Variants in TOPAZ1 observed in about 807,000 individuals in gnomAD.
The protein encoded by TOPAZ1 is testis and ovary specific TOPAZ 1.
A neutral mutation model predicts 172.2 loss-of-function variants in TOPAZ1; 66 were observed. The observed-to-expected ratio is 0.38, with a 90% CI of 0.31 to 0.47. The LOEUF (loss-of-function observed/expected upper bound fraction) is 0.47. Ranked by LOEUF, TOPAZ1 falls within the 20% of genes least tolerant of loss-of-function variation. The pLI is 0.99. For missense variants in TOPAZ1, 1,822 were observed against 1,972.4 expected, an observed-to-expected ratio of 0.92 and a Z score of 1.44; for synonymous variants, 681 against 683.9, an observed-to-expected ratio of 1.00 and a Z score of 0.07.
intron 2 of TOPAZ1, among the ~76,000 whole-genome samples, chr3:44,247,186 TATA>T (rs1699576752): frequency 6.6e-6 from 1 of 152,190 alleles, no homozygotes. Context: ...TATAAGTGGA[TATA>T]ATATTAGAAA....
chr3:44,267,201 C>A (rs1213989612), intron 6 of TOPAZ1, 65 bp downstream of exon 6: 79 of 1,292,498 alleles, frequency 6.1e-5, no homozygotes, highest in Non-Finnish European at 7.5e-5. Flanking sequence ...GGAGATTTTT[C>A]TACCAAAAAC....
rs114868906 is a variant in TOPAZ1 at position 44,258,600 on chromosome 3, A to G, written c.2955+2322A>G. The stretch of plus-strand genomic sequence containing the variant: ...GGTTTCTTTTTTTTTTTCCACCTGG[A>G]TAATCCTGTGGATATTCAACCAAGT... On this transcript the variant is annotated intron_variant, in intron 4 of 19. Coordinates refer to ENST00000309765, the MANE Select transcript of TOPAZ1 (RefSeq NM_001145030.2). Among the ~76,000 whole-genome samples, 1,354 of 152,098 alleles carry G rather than the reference A, an allele frequency of 8.9e-3. 19 individuals carry two copies. Among genetic ancestry groups the G allele is most frequent in the African/African-American group, 0.031 (1,307 of 41,508 alleles).
chr3:44,257,352 GGTGTGTGTGTGTGTGTGTGTGTGTGT>G lies in TOPAZ1; in HGVS notation c.2955+1105_2955+1130del, dbSNP rs59827431. Among the ~76,000 whole-genome samples the G allele has an allele frequency of 5.4e-5, 6 of 110,402 alleles. No individual in the cohort carries two copies. In the East Asian group the frequency reaches 7.1e-4, roughly 13 times the overall value. The allele number at this position is 110,402 out of a possible 152,430, so 72.4% of individuals were successfully genotyped here. A position where few individuals can be genotyped will look rare whatever the true frequency, so the allele number is the denominator to read the frequency against. On this transcript the variant is annotated intron_variant, in intron 4 of 19. Transcript: ENST00000309765. The stretch of plus-strand genomic sequence containing the variant: ...CCTGTCTCAAAAAAGAAAACATAGG[GGTGTGTGTGTGTGTGTGTGTGTGTGT>G]GTGTGTGTGTGTGTGTGTGTGTGTG...
intron 12 of TOPAZ1, among the ~76,000 whole-genome samples, chr3:44,291,147 T>G (rs557684208): frequency 2.6e-5 from 4 of 152,166 alleles, no homozygotes; most frequent in African/African-American, 9.7e-5. Context: ...TATCTTCTGT[T>G]TCACCACTTA....
chr3:44,318,464 C>CAA (rs2125704055), intron 16 of TOPAZ1, among the ~76,000 whole-genome samples: 1 of 98,884 alleles, frequency 1.0e-5, no homozygotes, highest in South Asian at 3.0e-4. Context: ...AAAAACAAAA[C>CAA]AAAACCCTAC....
At chr3:44,332,689 C>T (rs1700683990), downstream of TOPAZ1, among the ~76,000 whole-genome samples, 2 of 152,044 alleles carry the variant, frequency 1.3e-5, no homozygotes, top group African/African-American at 4.8e-5. Context: ...ATCACATTCT[C>T]CAAGGTGGTA....
intron 11 of TOPAZ1, 59 bp from the exon 12 acceptor site, chr3:44,290,712 G>A (rs967786035): frequency 2.0e-6 from 2 of 1,004,416 alleles, no homozygotes; most frequent in Non-Finnish European, 1.5e-6. Flanking sequence ...ACACACATTG[G>A]CTCCTCAATT....
intron 6 of TOPAZ1, 37 bp from the exon 7 acceptor site, chr3:44,269,179 C>G: frequency 9.1e-7 from 1 of 1,096,712 alleles, no homozygotes; most frequent in Non-Finnish European, 1.4e-6. Context: ...TAAGTTGTAA[C>G]ATATTGGTGT....
At chr3:44,313,196 T>A (rs1700414055) in intron 16 of TOPAZ1, among the ~76,000 whole-genome samples, 1 of 152,218 alleles carries the variant, frequency 6.6e-6, no homozygotes, top group Non-Finnish European at 1.5e-5. Flanking sequence ...AATCTTACTT[T>A]TCCTTAGGAT....
chr3:44,309,425 TTCTC>T (rs1700371875), intron 15 of TOPAZ1, among the ~76,000 whole-genome samples: 1 of 152,146 alleles, frequency 6.6e-6, no homozygotes, highest in Admixed American at 6.5e-5. Context: ...CATTTTTACT[TTCTC>T]TCCCTCCTGG....
chr3:44,249,375 A>T (rs999084295), intron 2 of TOPAZ1, among the ~76,000 whole-genome samples: 1 of 152,184 alleles, frequency 6.6e-6, no homozygotes, highest in African/African-American at 2.4e-5. Context: ...TGATCCTTGA[A>T]GTTTGGATTT....
intron 2 of TOPAZ1, among the ~76,000 whole-genome samples, chr3:44,251,223 C>T (rs922429157): frequency 5.9e-5 from 9 of 152,126 alleles, no homozygotes; most frequent in African/African-American, 1.9e-4. Flanking sequence ...CAGGCTCAAA[C>T]GATGCTCACA....
chr3:44,267,566 A>T (rs567140437), intron 6 of TOPAZ1, among the ~76,000 whole-genome samples: 2 of 152,262 alleles, frequency 1.3e-5, no homozygotes, highest in East Asian at 3.9e-4. Flanking sequence ...AAGTGCTGAA[A>T]TTACAGGTGT....
rs759601319 is a variant in TOPAZ1 at position 44,331,824 on chromosome 3, A to G, written c.4892A>G (p.Asp1631Gly). 49 of 1,552,008 alleles carry G rather than the reference A, an allele frequency of 3.2e-5. No individual in the cohort carries two copies. The highest frequency in any genetic ancestry group is 1.7e-6 in the Non-Finnish European group (2 of 1,147,090). Reference protein sequence around the residue: ...CEDNQSRSNDDYQAAVERLIM... With the variant: ...CEDNQSRSNDGYQAAVERLIM... ...GACAACCAGTCTCGGAGCAATGATG[A>G]TTATCAAGCTGCAGTAGAAAGGTTA... is the stretch of plus-strand genomic sequence containing the variant. The change falls in exon 20 of 20, where the codon GAT becomes GGT. Residue 1631 changes from aspartate to glycine, a missense_variant. This residue lies in a region of TOPAZ1 where 333 missense variants were observed against 481.7 expected (regional missense o/e 0.69). Transcript: ENST00000309765.
intron 16 of TOPAZ1, among the ~76,000 whole-genome samples, chr3:44,315,959 G>C (rs1700446869): frequency 6.6e-6 from 1 of 151,968 alleles, no homozygotes; most frequent in South Asian, 2.1e-4. Flanking sequence ...TTAAGGCCAG[G>C]CACAGTGACT....
At chr3:44,285,604 C>T (rs1431205543) in intron 9 of TOPAZ1, among the ~76,000 whole-genome samples, 4 of 151,740 alleles carry the variant, frequency 2.6e-5, no homozygotes, top group Non-Finnish European at 4.4e-5. Flanking sequence ...GAGTCTTCCC[C>T]GGTCGCCCAG....
At chr3:44,273,628 C>T (rs576518070) in intron 8 of TOPAZ1, among the ~76,000 whole-genome samples, 1 of 152,262 alleles carries the variant, frequency 6.6e-6, no homozygotes, top group South Asian at 2.1e-4. Context: ...GTACCACCCC[C>T]CATGCTCCAA....
Position 44,283,979 on chromosome 3 carries a change from G to A in TOPAZ1, c.3436+1948G>A, listed in dbSNP as rs7649004. Among the ~76,000 whole-genome samples the A allele has an allele frequency of 8.6e-5, 13 of 152,032 alleles. No homozygotes were observed. In the South Asian group the frequency reaches 1.2e-3, roughly 15 times the overall value. On this transcript the variant is annotated intron_variant, in intron 9 of 19. Transcript: ENST00000309765. ...TTTTGTCACTTGACCCAATTATGGC[G>A]TTTTATAGCATTTTTCCCTCTAGTT...
intron 2 of TOPAZ1, among the ~76,000 whole-genome samples, chr3:44,248,352 C>G (rs1031770560): frequency 6.6e-6 from 1 of 152,158 alleles, no homozygotes; most frequent in African/African-American, 2.4e-5. Context: ...TATCTTTGAA[C>G]TTCATTTTTC....
Sources: allele counts gnomAD v4.1 joint callset (sites outside exome capture counted in the v4.1 genomes callset), GRCh38; gene constraint gnomAD v4.1.1; regional missense constraint gnomAD v4.1.1; transcripts MANE v1.5; gene names NCBI Gene and HGNC (gene_info 2026-07-23, HGNC 2026-07-21).